CLN3: variants seen among roughly 807,000 people sequenced by gnomAD.
The protein encoded by CLN3 is battenin.
CLN3 carries 49 observed loss-of-function variants against 60.7 expected under a neutral mutation model. The ratio of observed to expected loss-of-function variants is 0.81; its 90% CI spans 0.64 to 1.02. The LOEUF (loss-of-function observed/expected upper bound fraction) is 1.02. Ranked by LOEUF, CLN3 falls within the 50% of genes least tolerant of loss-of-function variation. The probability of loss-of-function intolerance (pLI) is 0.00; values close to 1 mark genes in which losing one functional copy is unlikely to be tolerated. For missense variants in CLN3, 516 were observed against 557.4 expected, an observed-to-expected ratio of 0.93 and a Z score of 0.75; for synonymous variants, 256 against 245.8, an observed-to-expected ratio of 1.04 and a Z score of -0.39.
rs754801166 is a variant in CLN3, at chr16:28,488,623, A to T, written c.262T>A (p.Ser88Thr). 6.2e-7 allele frequency: 1 copy of T among 1,614,186 alleles called. No individual in the cohort carries two copies. Among genetic ancestry groups the T allele is most frequent in the Non-Finnish European group, 8.5e-7 (1 of 1,180,028 alleles). Residue 88 changes from serine (S) to threonine (T), a missense_variant, in exon 5 of 16, where the codon TCA (serine) becomes ACA (threonine). Transcript: ENST00000636147. ...GAGACAGAGTTGCAGTCAAATCGTG[A>T]TGAGCTGTTGTGGGGGATCGGCGTT... ...GPTPIPHNSS[S>T]RFDCNSVSTA...
chr16:28,485,673 T>A (rs1596560550), intron 9 of CLN3, among the ~76,000 whole-genome samples: 1 of 120,530 alleles, frequency 8.3e-6, no homozygotes, highest in Non-Finnish European at 1.7e-5. Flanking sequence ...GCCAACCTGG[T>A]CAACACTGAT....
At chr16:28,489,790 C>T (rs957819154) in intron 3 of CLN3, among the ~76,000 whole-genome samples, 5 of 152,066 alleles carry the variant, frequency 3.3e-5, no homozygotes, top group Non-Finnish European at 7.4e-5. Context: ...AGTGCAGTGG[C>T]TCACACCTGT....
chr16:28,484,023 G>A lies in CLN3; in HGVS notation c.773C>T (p.Ala258Val), dbSNP rs780823167. ...AARQPLIRTE[A>V]PESKPGSSSS... ...TCTCCTACCTGGCTTCGACTCCGGGGCCTCGGTTCTTATGAGGGGCTGCCG... is the reference window on the plus strand; with the variant it reads ...TCTCCTACCTGGCTTCGACTCCGGGACCTCGGTTCTTATGAGGGGCTGCCG... The change falls in exon 10 of 16, where the codon GCC (alanine) becomes GTC (valine). Residue 258 changes from alanine (A) to valine (V), a missense_variant. Ala to Val is a moderately conservative substitution (Grantham distance 64). Transcript: ENST00000636147. 1.3e-5 allele frequency: 21 copies of A among 1,610,036 alleles called. No homozygotes were observed. The highest frequency in any genetic ancestry group is 4.5e-5 in the East Asian group (2 of 44,800).
At chr16:28,482,731 G>C (rs2059468289) in intron 10 of CLN3, 59 bp from the exon 11 acceptor site, 4 of 1,574,910 alleles carry the variant, frequency 2.5e-6, no homozygotes, top group Admixed American at 3.4e-5. Flanking sequence ...ACTCGGCAAA[G>C]AGGCACCGGT....
Position 28,487,648 on chromosome 16 carries a change from A to C in CLN3, c.374+14T>G. On this transcript the variant is annotated intron_variant, in intron 6 of 15. Transcript: ENST00000636147. ...GCTCCTGCCCACCCTGCCTCCCACTACCCTCACCCAGACCTGTAGGGCAGC... is the reference window on the plus strand; with the variant it reads ...GCTCCTGCCCACCCTGCCTCCCACTCCCCTCACCCAGACCTGTAGGGCAGC... The C allele has an allele frequency of 6.2e-7, 1 of 1,611,182 alleles. No homozygotes were observed. Among genetic ancestry groups the C allele is most frequent in the Non-Finnish European group, 8.5e-7 (1 of 1,177,922 alleles).
chr16:28,472,659 G>A (rs895184819), downstream of CLN3, among the ~76,000 whole-genome samples: 15 of 151,292 alleles, frequency 9.9e-5, no homozygotes, highest in South Asian at 6.3e-4. Flanking sequence ...TGGCCAACAC[G>A]GTGAAACCCC....
chr16:28,481,448 A>G (rs993862225), intron 14 of CLN3, among the ~76,000 whole-genome samples: 10 of 131,292 alleles, frequency 7.6e-5, no homozygotes, highest in South Asian at 7.2e-4. Context: ...ACACACACAC[A>G]CACACGCACA....
chr16:28,473,055 A>G (rs1325263380), downstream of CLN3, among the ~76,000 whole-genome samples: 3 of 152,014 alleles, frequency 2.0e-5, no homozygotes, highest in Admixed American at 1.3e-4. Context: ...CTCCCACTTC[A>G]GCCTCCAGAG....
At chr16:28,483,670 A>G (rs1284693049) in intron 10 of CLN3, among the ~76,000 whole-genome samples, 6 of 148,308 alleles carry the variant, frequency 4.0e-5, no homozygotes, top group African/African-American at 1.5e-4. Flanking sequence ...TAAGTACTCA[A>G]TTAATATCCC....
At chr16:28,475,908 C>T (rs2045989686), downstream of CLN3, 1 of 141,600 alleles carries the variant, frequency 7.1e-6, no homozygotes. Context: ...TTTTTTGAGA[C>T]AGAGTCTTGC....
In CLN3 at chr16:28,486,506, C is replaced by T. The variant is rs749660970; in HGVS notation, c.534-16G>A. On this transcript the variant is annotated splice_polypyrimidine_tract_variant and intron_variant, in intron 8 of 15. Coordinates refer to ENST00000636147, the MANE Select transcript of CLN3 (RefSeq NM_001042432.2). Reference sequence around the variant, plus strand: ...GATCACGGCCCTGGGAAGGAGAACACAGGAACATTCAGGAGGACCTAGGCT... The same window carrying T: ...GATCACGGCCCTGGGAAGGAGAACATAGGAACATTCAGGAGGACCTAGGCT... 4 of 1,610,268 alleles carry T rather than the reference C, an allele frequency of 2.5e-6. No homozygotes were observed. In the South Asian group the frequency reaches 4.4e-5, roughly 18 times the overall value.
At chr16:28,470,559 G>C, downstream of CLN3, 1 of 126,244 alleles carries the variant, frequency 7.9e-6, no homozygotes, top group Admixed American at 1.0e-4. Context: ...GGGAGGGGAG[G>C]GGGAGGGGAA....
rs1179558901 is a variant in CLN3 at position 28,489,482 on chromosome 16, C to T, written c.126-96G>A. On this transcript the variant is annotated intron_variant, in intron 3 of 15. Transcript: ENST00000636147. Reference sequence around the variant, plus strand: ...TCCCTTACCTGTGCCCTTCAATCAGCCCCCTCTTTTTTTTCCCTCTATCAC... The same window carrying T: ...TCCCTTACCTGTGCCCTTCAATCAGTCCCCTCTTTTTTTTCCCTCTATCAC... 2.6e-5 allele frequency: 22 copies of T among 853,396 alleles called. No individual in the cohort carries two copies. In the Admixed American group the frequency reaches 3.4e-4, roughly 13 times the overall value. The allele number at this position is 853,396 out of a possible 1,614,324, so 52.9% of individuals were successfully genotyped here.
Position 28,477,304 on chromosome 16 carries a change from C to A in CLN3, c.*212G>T. 1 of 624,440 alleles carries A rather than the reference C, an allele frequency of 1.6e-6. No homozygotes were observed. The highest frequency in any genetic ancestry group is 2.8e-6 in the Non-Finnish European group (1 of 357,160). 38.7% of individuals were successfully genotyped at this position (624,440 alleles called of 1,614,324 possible). A position where few individuals can be genotyped will look rare whatever the true frequency, so the allele number is the denominator to read the frequency against. On this transcript the variant is annotated 3_prime_UTR_variant, in exon 16 of 16. Transcript: ENST00000636147. ...TCCATGGATAAAATCGGCATTTATT[C>A]AGAAGGCATGATGCCAGGAAGAAAC...
chr16:28,475,846 GGT>G (rs1215410743), downstream of CLN3: 1 of 151,706 alleles, frequency 6.6e-6, no homozygotes, highest in African/African-American at 2.4e-5. Flanking sequence ...TAGTAGAAAG[GGT>G]AACAATGAAG....
In CLN3 at chr16:28,491,772, A is replaced by C. The variant is rs555894979; in HGVS notation, c.-13T>G. 54 of 1,613,290 alleles carry C rather than the reference A, an allele frequency of 3.3e-5. No homozygotes were observed. The highest frequency in any genetic ancestry group is 4.5e-5 in the Non-Finnish European group (53 of 1,180,008). On this transcript the variant is annotated 5_prime_UTR_variant, in exon 2 of 16. The change abolishes the stop of an existing upstream ORF in the 5' untranslated region. Coordinates refer to ENST00000636147, the MANE Select transcript of CLN3 (RefSeq NM_001042432.2). The stretch of plus-strand genomic sequence containing the variant: ...CACAGCCTCCCATCGCATCAAGTTC[A>C]GGTCCCCCGAGGGTCCAGGGTCATA...
rs780482162 is a variant in CLN3, at chr16:28,489,297, T to A, written c.215A>T (p.Gln72Leu). Residue 72 changes from glutamine (Q) to leucine (L), a missense_variant, in exon 4 of 16, where the codon CAG becomes CTG. By Grantham distance (113) the Gln-to-Leu change is moderately radical. Coordinates refer to ENST00000636147, the MANE Select transcript of CLN3 (RefSeq NM_001042432.2). ...ILSHKRTSGN[Q>L]SHVDPGPTPI... ...TGGTAGAGAGTCACTTACATGGCTC[T>A]GGTTTCCCGATGTCCTCTTGTGGCT... 6.2e-7 allele frequency: 1 copy of A among 1,612,242 alleles called. No individual in the cohort carries two copies. The highest frequency in any genetic ancestry group is 1.1e-5 in the South Asian group (1 of 90,676).
At chr16:28,478,877 CT>C (rs146339419) in intron 14 of CLN3, among the ~76,000 whole-genome samples, 3,872 of 152,220 alleles carry the variant, frequency 0.025, 121 homozygotes, top group East Asian at 0.15. Flanking sequence ...AAAATTGCCC[CT>C]ATTGGAAAAA....
chr16:28,482,572 G>A (rs1393857217), intron 11 of CLN3, 27 bp from the exon 12 acceptor site: 6 of 1,614,034 alleles, frequency 3.7e-6, no homozygotes, highest in African/African-American at 1.3e-5. Context: ...ATATAAGCGG[G>A]GGGCCTGGAG....
Sources: allele counts gnomAD v4.1 joint callset (sites outside exome capture counted in the v4.1 genomes callset), GRCh38; gene constraint gnomAD v4.1.1; transcripts MANE v1.5; gene names NCBI Gene and HGNC (gene_info 2026-07-23, HGNC 2026-07-21).